RANBP2: variants seen among roughly 807,000 people sequenced by gnomAD.
RANBP2 encodes the protein RAN binding protein 2, also known as E3 SUMO-protein ligase RanBP2.
A neutral mutation model predicts 303.6 loss-of-function variants in RANBP2; 57 were observed. The observed-to-expected ratio is 0.19, with a 90% CI of 0.15 to 0.23. The LOEUF (loss-of-function observed/expected upper bound fraction) is 0.23, where lower values mean the gene tolerates loss of function less well. RANBP2 is among the 10% of genes least tolerant of loss of function. The probability of loss-of-function intolerance (pLI) is 1.00; values close to 1 mark genes in which losing one functional copy is unlikely to be tolerated. For synonymous variants in RANBP2, 1,167 were observed against 1,301.5 expected (o/e 0.90, Z 2.23); for missense variants, 3,138 against 3,780.8 (o/e 0.83, Z 4.46).
At chr2:109,614,846 C>A in the RANBP2 span, 1 of 1,403,546 alleles carries the variant, frequency 7.1e-7, no homozygotes, top group Admixed American at 3.4e-5. Context: ...ATCGGCTCCC[C>A]GACGCGGCGG....
the RANBP2 span, among the ~76,000 whole-genome samples, chr2:109,463,356 G>A: frequency 6.6e-6 from 1 of 152,304 alleles, no homozygotes; most frequent in East Asian, 1.9e-4. Context: ...GTAATTATGT[G>A]CCACCATGTG....
At chr2:108,990,363 G>A in the RANBP2 span, among the ~76,000 whole-genome samples, 6 of 149,898 alleles carry the variant, frequency 4.0e-5, no homozygotes, top group Admixed American at 6.7e-5. Flanking sequence ...CCCGGGAAGC[G>A]GAGCTTGCAG....
the RANBP2 span, among the ~76,000 whole-genome samples, chr2:109,589,477 C>T: frequency 9.2e-5 from 14 of 151,982 alleles, no homozygotes; most frequent in Non-Finnish European, 1.8e-4. Flanking sequence ...TTGCAGTGAG[C>T]CAAGATCCTG....
the RANBP2 span, among the ~76,000 whole-genome samples, chr2:109,060,643 C>T: frequency 1.3e-5 from 2 of 152,182 alleles, no homozygotes; most frequent in Admixed American, 1.3e-4. Context: ...TCTCTTGAGT[C>T]AAGATGGCTC....
chr2:108,825,090 A>G, the RANBP2 span, among the ~76,000 whole-genome samples: 1 of 152,210 alleles, frequency 6.6e-6, no homozygotes, highest in African/African-American at 2.4e-5. Flanking sequence ...ACAAGGAATC[A>G]TGCAAAATAA....
the RANBP2 span, among the ~76,000 whole-genome samples, chr2:109,292,364 A>G: frequency 3.3e-5 from 5 of 152,342 alleles, no homozygotes; most frequent in East Asian, 9.6e-4. Flanking sequence ...CTGGGATCAT[A>G]TAAACATGAA....
At chr2:109,656,009 G>T in the RANBP2 span, among the ~76,000 whole-genome samples, 1 of 152,152 alleles carries the variant, frequency 6.6e-6, no homozygotes, top group Non-Finnish European at 1.5e-5. Context: ...TTTGTAAACT[G>T]CTAACCATTC....
At chr2:109,081,117 A>G in the RANBP2 span, among the ~76,000 whole-genome samples, 1 of 152,274 alleles carries the variant, frequency 6.6e-6, no homozygotes, top group African/African-American at 2.4e-5. Flanking sequence ...ACGTGAAGAA[A>G]GGACATAAAA....
the RANBP2 span, among the ~76,000 whole-genome samples, chr2:109,609,925 A>G: frequency 6.6e-6 from 1 of 152,178 alleles, no homozygotes. Context: ...AAGATCCACT[A>G]TCTCAGTCAA....
chr2:109,480,032 TG>T, the RANBP2 span, among the ~76,000 whole-genome samples: 6 of 152,206 alleles, frequency 3.9e-5, no homozygotes, highest in Non-Finnish European at 8.8e-5. Flanking sequence ...GTTTCAACCC[TG>T]CTGTGGGTTG....
At chr2:109,292,149 T>C in the RANBP2 span, among the ~76,000 whole-genome samples, 1 of 152,234 alleles carries the variant, frequency 6.6e-6, no homozygotes, top group East Asian at 1.9e-4. Context: ...AGGCGTGAGC[T>C]ACCGTGCCTG....
chr2:109,323,348 T>C, the RANBP2 span, among the ~76,000 whole-genome samples: 1 of 152,210 alleles, frequency 6.6e-6, no homozygotes, highest in Non-Finnish European at 1.5e-5. Flanking sequence ...GATACCTGTA[T>C]GACTCCAGCT....
the RANBP2 span, among the ~76,000 whole-genome samples, chr2:109,085,768 T>C: frequency 6.6e-6 from 1 of 151,966 alleles, no homozygotes; most frequent in African/African-American, 2.4e-5. Flanking sequence ...GCCTGGCTAA[T>C]TTTTTTATTT....
chr2:109,319,385 C>T, the RANBP2 span, among the ~76,000 whole-genome samples: 2 of 152,230 alleles, frequency 1.3e-5, no homozygotes, highest in Non-Finnish European at 2.9e-5. Context: ...CCTGTGGGCT[C>T]AGTGGGGTCC....
At chr2:109,670,731 C>T in the RANBP2 span, among the ~76,000 whole-genome samples, 58 of 152,326 alleles carry the variant, frequency 3.8e-4, no homozygotes, top group African/African-American at 1.3e-3. Context: ...AGGGCCTGTG[C>T]CCTCTTCCTC....
chr2:108,884,495 A>T, the RANBP2 span: 1 of 152,236 alleles, frequency 6.6e-6, no homozygotes, highest in East Asian at 1.9e-4. Flanking sequence ...ATGCAATCAA[A>T]ATAGAAGAAA....
At chr2:109,257,949 G>A in the RANBP2 span, among the ~76,000 whole-genome samples, 1 of 152,020 alleles carries the variant, frequency 6.6e-6, no homozygotes. Context: ...TGCCTTTTGT[G>A]TTCACCATTC....
the RANBP2 span, among the ~76,000 whole-genome samples, chr2:109,664,630 T>C: frequency 6.6e-6 from 1 of 151,338 alleles, no homozygotes; most frequent in African/African-American, 2.4e-5. Flanking sequence ...TAAATAAAAA[T>C]AAAAATATCT....
the RANBP2 span, among the ~76,000 whole-genome samples, chr2:109,356,845 A>G: frequency 1.3e-5 from 2 of 152,098 alleles, no homozygotes; most frequent in Non-Finnish European, 2.9e-5. Context: ...ATGATGTCAA[A>G]GCTTAAAGAC....
Sources: gnomAD v4.1 joint callset for allele counts (sites outside exome capture counted in the v4.1 genomes callset) on GRCh38, gnomAD v4.1.1 for gene constraint, MANE v1.5 for transcripts, NCBI Gene and HGNC (gene_info 2026-07-23, HGNC 2026-07-21) for gene names.